Variants in SDK1 observed in about 807,000 individuals in gnomAD.
SDK1 encodes the protein sidekick cell adhesion molecule 1.
SDK1 carries 157 observed loss-of-function variants against 245.5 expected under a neutral mutation model. The ratio of observed to expected loss-of-function variants is 0.64; its 90% CI spans 0.56 to 0.73. The LOEUF is 0.73. SDK1 is among the 30% of genes least tolerant of loss of function. The pLI is 0.00. For missense variants in SDK1, 3,583 were observed against 3,002.3 expected (o/e 1.19, Z -4.52); for synonymous variants, 1,647 against 1,278.5 (o/e 1.29, Z -6.15).
At chr7:4,226,259 G>A (rs796538767) in intron 40 of SDK1, among the ~76,000 whole-genome samples, 49 of 152,320 alleles carry the variant, frequency 3.2e-4, no homozygotes, top group African/African-American at 1.1e-3. Context: ...TCACCGCTGG[G>A]TATCTGGGAG....
intron 5 of SDK1, among the ~76,000 whole-genome samples, chr7:3,826,181 C>G (rs907444424): frequency 1.3e-5 from 2 of 152,136 alleles, no homozygotes; most frequent in African/African-American, 4.8e-5. Flanking sequence ...CGTAAACACA[C>G]CATCAGGAAA....
chr7:4,038,782 T>C (rs1258994146), intron 17 of SDK1, among the ~76,000 whole-genome samples: 2 of 152,208 alleles, frequency 1.3e-5, no homozygotes, highest in Non-Finnish European at 2.9e-5. Context: ...CCACTTCTTA[T>C]TGTGTAACTG....
At chr7:3,638,673 T>C (rs1431501996) in intron 2 of SDK1, among the ~76,000 whole-genome samples, 1 of 147,106 alleles carries the variant, frequency 6.8e-6, no homozygotes, top group Non-Finnish European at 1.5e-5. Context: ...TTAGGAGATA[T>C]ACCTAATGCT....
intron 1 of SDK1, among the ~76,000 whole-genome samples, chr7:3,395,176 T>C (rs977213037): frequency 1.3e-5 from 2 of 152,014 alleles, no homozygotes; most frequent in Admixed American, 6.6e-5. Context: ...GCTGAGACTT[T>C]TTATCTTGAA....
At chr7:3,418,941 G>A (rs1779459953) in intron 1 of SDK1, among the ~76,000 whole-genome samples, 1 of 152,166 alleles carries the variant, frequency 6.6e-6, no homozygotes, top group Non-Finnish European at 1.5e-5. Flanking sequence ...TAGGCAGTGA[G>A]GTAGCTTTCT....
chr7:3,684,594 C>T (rs904742463), intron 4 of SDK1, among the ~76,000 whole-genome samples: 2 of 152,124 alleles, frequency 1.3e-5, no homozygotes, highest in Non-Finnish European at 2.9e-5. Flanking sequence ...TACCTGAAGA[C>T]CATTTATCAT....
intron 1 of SDK1, among the ~76,000 whole-genome samples, chr7:3,437,803 A>G (rs938368557): frequency 6.6e-6 from 1 of 152,182 alleles, no homozygotes; most frequent in African/African-American, 2.4e-5. Context: ...ATACCAAAAA[A>G]TTATTCAGAT....
In SDK1 at chr7:4,097,890, T is replaced by C. The variant is rs375430681; in HGVS notation, c.3325-12773T>C. Reference sequence around the variant, plus strand: ...TCGCACATGCACAGGAGAGCTGTCATTGGCCCTAATGACTCCTTCCATAAT... The same window carrying C: ...TCGCACATGCACAGGAGAGCTGTCACTGGCCCTAATGACTCCTTCCATAAT... On this transcript the variant is annotated intron_variant, in intron 22 of 44. Transcript: ENST00000404826. Among the ~76,000 whole-genome samples, 111 of 152,310 alleles carry C rather than the reference T, an allele frequency of 7.3e-4. 1 individual carries two copies. Among genetic ancestry groups the C allele is most frequent in the African/African-American group, 2.4e-3 (101 of 41,574 alleles).
chr7:3,752,987 C>T (rs1468274855), intron 4 of SDK1, among the ~76,000 whole-genome samples: 3 of 152,094 alleles, frequency 2.0e-5, no homozygotes. Flanking sequence ...GCTATTTCTC[C>T]ACCCTGAAAG....
chr7:4,029,192 G>T (rs1787595134), intron 17 of SDK1, among the ~76,000 whole-genome samples: 1 of 141,478 alleles, frequency 7.1e-6, no homozygotes, highest in African/African-American at 2.9e-5. Flanking sequence ...CCTGTAGCTT[G>T]ATTTTCTTTC....
At chr7:3,885,346 C>T (rs981767945) in intron 5 of SDK1, among the ~76,000 whole-genome samples, 8 of 152,174 alleles carry the variant, frequency 5.3e-5, no homozygotes, top group African/African-American at 1.9e-4. Flanking sequence ...GGGTGGGCTG[C>T]GTGGGCTGTG....
intron 1 of SDK1, among the ~76,000 whole-genome samples, chr7:3,566,706 C>T (rs10243981): frequency 0.28 from 36,364 of 132,010 alleles, 4,668 homozygotes; most frequent in East Asian, 0.38. Flanking sequence ...TCTAGAACTG[C>T]AAGAAACTAC....
At chr7:3,731,912 C>A (rs1779189923) in intron 4 of SDK1, among the ~76,000 whole-genome samples, 1 of 152,164 alleles carries the variant, frequency 6.6e-6, no homozygotes, top group Admixed American at 6.5e-5. Flanking sequence ...CTGCCTCAGC[C>A]TCCTGAGTAG....
rs1449002446 is a variant in SDK1, at chr7:3,974,385, G to A, written c.1834G>A (p.Asp612Asn). ...RVSLRYVWKKDNVALTPSSTS... is the reference protein window; with the variant it reads ...RVSLRYVWKKNNVALTPSSTS... ...GGCCCACAGCTACGTTTGGAAGAAG[G>A]ACAACGTGGCCCTGACTCCATCGAG... Residue 612 changes from aspartate to asparagine, a missense_variant, in exon 13 of 45, where the codon GAC becomes AAC. Asp to Asn is a conservative substitution (Grantham distance 23). Coordinates refer to ENST00000404826, the MANE Select transcript of SDK1 (RefSeq NM_152744.4). 2 of 1,612,908 alleles carry A rather than the reference G, an allele frequency of 1.2e-6. No individual in the cohort carries two copies. Among genetic ancestry groups the A allele is most frequent in the Non-Finnish European group, 1.7e-6 (2 of 1,179,172 alleles).
intron 1 of SDK1, among the ~76,000 whole-genome samples, chr7:3,424,734 A>G (rs1033147119): frequency 6.6e-6 from 1 of 152,012 alleles, no homozygotes; most frequent in African/African-American, 2.4e-5. Flanking sequence ...CTATCTCTAC[A>G]AAAAATAAAA....
At chr7:3,647,735 G>GT (rs1782894127) in intron 4 of SDK1, among the ~76,000 whole-genome samples, 1 of 152,078 alleles carries the variant, frequency 6.6e-6, no homozygotes, top group Non-Finnish European at 1.5e-5. Context: ...GTTTTAGGTG[G>GT]TTTTGACCAC....
At chr7:4,074,178 G>C (rs1344879962) in intron 20 of SDK1, among the ~76,000 whole-genome samples, 1 of 152,118 alleles carries the variant, frequency 6.6e-6, no homozygotes, top group Non-Finnish European at 1.5e-5. Context: ...TATTCTGCAG[G>C]ATAGTAAACT....
At chr7:3,731,562 G>T (rs183051421) in intron 4 of SDK1, among the ~76,000 whole-genome samples, 44 of 152,246 alleles carry the variant, frequency 2.9e-4, no homozygotes, top group African/African-American at 1.0e-3. Context: ...CTGTTTTGTG[G>T]TTGAGATGCA....
intron 1 of SDK1, among the ~76,000 whole-genome samples, chr7:3,478,194 A>G (rs1781404687): frequency 1.3e-5 from 2 of 152,154 alleles, no homozygotes; most frequent in East Asian, 1.9e-4. Flanking sequence ...TTTCATGGCC[A>G]TTACCTCCCC....
Sources: gnomAD v4.1 joint callset for allele counts (sites outside exome capture counted in the v4.1 genomes callset) on GRCh38, gnomAD v4.1.1 for gene constraint, MANE v1.5 for transcripts, NCBI Gene and HGNC (gene_info 2026-07-23, HGNC 2026-07-21) for gene names.